GPR19: variants seen among roughly 807,000 people sequenced by gnomAD.
GPR19 encodes the protein probable G protein-coupled receptor 19.
GPR19 carries 14 observed loss-of-function variants against 28.5 expected under a neutral mutation model. That is an observed-to-expected ratio of 0.49 (90% CI 0.32 to 0.77). The LOEUF (loss-of-function observed/expected upper bound fraction) is 0.77. Among genes scored for constraint, GPR19 ranks in the 30% least tolerant of loss-of-function variants. GPR19 has a pLI of 0.03. For synonymous variants in GPR19, 173 were observed against 184.1 expected (o/e 0.94, Z 0.49); for missense variants, 409 against 504.1 (o/e 0.81, Z 1.81).
intron 3 of GPR19, among the ~76,000 whole-genome samples, chr12:12,678,073 CAAAAAAAAAAAAAA>C (rs56014911): frequency 2.6e-4 from 12 of 46,098 alleles, no homozygotes; most frequent in African/African-American, 3.7e-4. Flanking sequence ...GACTCTGTCT[CAAAAAAAAAAAAAA>C]AAAAAAAAAA....
chr12:12,674,786 G>T (rs1210121033), intron 3 of GPR19, among the ~76,000 whole-genome samples: 1 of 152,110 alleles, frequency 6.6e-6, no homozygotes, highest in Non-Finnish European at 1.5e-5. Flanking sequence ...TTAATAATTA[G>T]ATATACAATG....
At chr12:12,697,923 C>T (rs916487401), upstream of GPR19, among the ~76,000 whole-genome samples, 8 of 151,928 alleles carry the variant, frequency 5.3e-5, no homozygotes, top group Non-Finnish European at 1.2e-4. Flanking sequence ...GTTTTCCAAG[C>T]CAGTATTGAA....
At chr12:12,679,183 A>G (rs1945983065) in intron 3 of GPR19, among the ~76,000 whole-genome samples, 1 of 152,086 alleles carries the variant, frequency 6.6e-6, no homozygotes, top group Non-Finnish European at 1.5e-5. Flanking sequence ...AATCAGAGAT[A>G]ATTCTGCCTC....
intron 3 of GPR19, among the ~76,000 whole-genome samples, chr12:12,680,359 T>C (rs1025833551): frequency 1.3e-5 from 2 of 152,178 alleles, no homozygotes; most frequent in African/African-American, 2.4e-5. Flanking sequence ...AGAGAGTTGC[T>C]ATGAGAATTA....
chr12:12,693,442 T>C (rs530749946), intron 2 of GPR19, among the ~76,000 whole-genome samples: 81 of 152,342 alleles, frequency 5.3e-4, no homozygotes, highest in African/African-American at 1.9e-3. Context: ...GCCCTGCTGA[T>C]GGCCCAAGAT....
chr12:12,695,531 C>A lies in GPR19; in HGVS notation c.-232-20G>T, dbSNP rs1946248913. The A allele has an allele frequency of 1.3e-5, 2 of 152,188 alleles. No homozygotes were observed. The highest frequency in any genetic ancestry group is 2.9e-5 in the Non-Finnish European group (2 of 68,054). 9.4% of individuals were successfully genotyped at this position (152,188 alleles called of 1,614,324 possible). A position where few individuals can be genotyped will look rare whatever the true frequency, so the allele number is the denominator to read the frequency against. On this transcript the variant is annotated intron_variant, in intron 1 of 3. Coordinates refer to ENST00000651487, the MANE Select transcript of GPR19 (RefSeq NM_006143.3). The stretch of plus-strand genomic sequence containing the variant: ...TATATCCTGAGAGACAAAAAGAGGT[C>A]AGATTGGTCAGATCCCTCGAGACAG...
chr12:12,706,019 T>G, the GPR19 span, among the ~76,000 whole-genome samples: 11 of 152,338 alleles, frequency 7.2e-5, no homozygotes, highest in East Asian at 1.9e-3. Flanking sequence ...GTTGCCAGAC[T>G]GGTTTCCTGA....
chr12:12,693,712 G>A (rs1021321341), intron 2 of GPR19, among the ~76,000 whole-genome samples: 1 of 152,094 alleles, frequency 6.6e-6, no homozygotes, highest in East Asian at 1.9e-4. Context: ...TCCTCCAAAC[G>A]TGTTTTCCAA....
the GPR19 span, among the ~76,000 whole-genome samples, chr12:12,712,876 C>A: frequency 6.6e-6 from 1 of 152,078 alleles, no homozygotes; most frequent in African/African-American, 2.4e-5. Flanking sequence ...TCCCCACAGG[C>A]AAGGACTCTG....
chr12:12,694,873 A>G (rs1207296860), intron 2 of GPR19, among the ~76,000 whole-genome samples: 1 of 152,136 alleles, frequency 6.6e-6, no homozygotes, highest in Non-Finnish European at 1.5e-5. Flanking sequence ...GCCTCCATGG[A>G]TTTTTCCTGC....
At chr12:12,713,802 G>C in the GPR19 span, among the ~76,000 whole-genome samples, 2 of 152,184 alleles carry the variant, frequency 1.3e-5, no homozygotes, top group African/African-American at 2.4e-5. Flanking sequence ...AAAGTGCTGG[G>C]ATTACAGGTG....
intron 2 of GPR19, among the ~76,000 whole-genome samples, chr12:12,693,891 TG>T (rs2136337898): frequency 6.6e-6 from 1 of 152,118 alleles, no homozygotes; most frequent in Admixed American, 6.5e-5. Context: ...TTAGTAGAGA[TG>T]GGGTTTCACC....
upstream of GPR19, among the ~76,000 whole-genome samples, chr12:12,699,005 A>T (rs573694101): frequency 2.6e-5 from 4 of 152,236 alleles, no homozygotes; most frequent in South Asian, 4.1e-4. Flanking sequence ...GGTTTATCAC[A>T]GTCAGTATGA....
intron 3 of GPR19, among the ~76,000 whole-genome samples, chr12:12,663,786 A>G (rs1945717053): frequency 6.6e-6 from 1 of 152,148 alleles, no homozygotes. Context: ...ACTAAAAGTA[A>G]AAGCCCATGT....
At chr12:12,706,524 G>A in the GPR19 span, among the ~76,000 whole-genome samples, 1 of 152,106 alleles carries the variant, frequency 6.6e-6, no homozygotes, top group Non-Finnish European at 1.5e-5. Context: ...CTCCAGCACA[G>A]ACCCTTCTGC....
intron 2 of GPR19, chr12:12,688,580 C>G (rs1216641259): frequency 6.6e-6 from 1 of 152,198 alleles, no homozygotes; most frequent in East Asian, 1.9e-4. Context: ...GACAACTGCC[C>G]AAGTCCCTCA....
At chr12:12,704,193 T>C in the GPR19 span, among the ~76,000 whole-genome samples, 1 of 152,210 alleles carries the variant, frequency 6.6e-6, no homozygotes, top group East Asian at 1.9e-4. Flanking sequence ...CTTGACTGTA[T>C]AGACAACTGT....
At position 12,674,887 on chromosome 12, in the gene GPR19, T is replaced by C. The variant is rs146111562; in HGVS notation, c.-23+9464A>G. 1.7e-3 allele frequency among the ~76,000 whole-genome samples: 255 copies of C among 152,202 alleles called. 4 individuals carry two copies. Among genetic ancestry groups the C allele is most frequent in the East Asian group, 0.013 (69 of 5,176 alleles). On this transcript the variant is annotated intron_variant, in intron 3 of 3. Coordinates refer to ENST00000651487, the MANE Select transcript of GPR19 (RefSeq NM_006143.3). ...TAGTAAACAGATAAGAAGAAATGAA[T>C]GTATTAAGTTGTAGTAAGTCCAATG...
intron 3 of GPR19, among the ~76,000 whole-genome samples, chr12:12,664,286 G>C (rs994983360): frequency 6.6e-6 from 1 of 152,070 alleles, no homozygotes; most frequent in Non-Finnish European, 1.5e-5. Context: ...ATTGCGCCCA[G>C]CCCTCATTTT....
Sources: allele counts gnomAD v4.1 joint callset (sites outside exome capture counted in the v4.1 genomes callset), GRCh38; gene constraint gnomAD v4.1.1; transcripts MANE v1.5; gene names NCBI Gene and HGNC (gene_info 2026-07-23, HGNC 2026-07-21).